CASZ1: variants seen among roughly 807,000 people sequenced by gnomAD.
CASZ1 encodes the protein zinc finger protein castor homolog 1.
A neutral mutation model predicts 135.2 loss-of-function variants in CASZ1; 28 were observed. That is an observed-to-expected ratio of 0.21 (90% confidence interval 0.15 to 0.28). CASZ1 has a LOEUF of 0.28. Among genes scored for constraint, CASZ1 ranks in the 10% least tolerant of loss-of-function variants. CASZ1 has a pLI of 1.00. For missense variants in CASZ1, 2,161 were observed against 2,453.3 expected, an observed-to-expected ratio of 0.88 and a Z score of 2.52; for synonymous variants, 1,068 against 1,073.4, an observed-to-expected ratio of 0.99 and a Z score of 0.10.
At chr1:10,691,078 C>CCCCT (rs3835307) in intron 4 of CASZ1, among the ~76,000 whole-genome samples, 9 of 139,586 alleles carry the variant, frequency 6.4e-5, no homozygotes, top group East Asian at 4.1e-4. Flanking sequence ...CTTCCTCTCT[C>CCCCT]CCCTCCCTCC....
chr1:10,677,501 G>C (rs924378751), intron 4 of CASZ1, among the ~76,000 whole-genome samples: 1 of 152,166 alleles, frequency 6.6e-6, no homozygotes, highest in African/African-American at 2.4e-5. Context: ...GCTCTGGCTG[G>C]ACACGGAGCT....
chr1:10,779,723 T>C (rs1006001257), intron 1 of CASZ1, among the ~76,000 whole-genome samples: 4 of 152,258 alleles, frequency 2.6e-5, no homozygotes, highest in Admixed American at 2.6e-4. Context: ...GCATTTGGTA[T>C]AGTTTTTCAC....
intron 2 of CASZ1, among the ~76,000 whole-genome samples, chr1:10,729,721 G>C (rs1162177770): frequency 1.3e-5 from 2 of 152,384 alleles, no homozygotes; most frequent in Middle Eastern, 6.8e-3. Context: ...CGGAACTGCC[G>C]GCGTCCCGGC....
intron 2 of CASZ1, among the ~76,000 whole-genome samples, chr1:10,732,363 CA>C (rs1052145165): frequency 1.3e-5 from 2 of 149,918 alleles, no homozygotes; most frequent in Non-Finnish European, 3.0e-5. Flanking sequence ...ATATTCCACA[CA>C]AACCAAAACT....
At chr1:10,683,524 C>G (rs750097701) in intron 4 of CASZ1, among the ~76,000 whole-genome samples, 4 of 152,178 alleles carry the variant, frequency 2.6e-5, no homozygotes, top group Non-Finnish European at 4.4e-5. Flanking sequence ...GGGGCAAGGT[C>G]CCCATCTTCC....
rs780280446 is a variant in CASZ1, at chr1:10,658,456, A to C, written c.1409+52T>G. 9 of 1,482,058 alleles carry C rather than the reference A, an allele frequency of 6.1e-6. 1 individual carries two copies. In the South Asian group the frequency reaches 1.0e-4, roughly 17 times the overall value. 91.8% of individuals were successfully genotyped at this position (1,482,058 alleles called of 1,614,324 possible). ...ACGAATGGCCTCAGAGTGCCCGGTC[A>C]GTCCTGGCCCCCCACCTTCTCTCCA... On this transcript the variant is annotated intron_variant, in intron 7 of 20. Coordinates refer to ENST00000377022, the MANE Select transcript of CASZ1 (RefSeq NM_001079843.3).
chr1:10,693,822 AG>A (rs1638842890), intron 4 of CASZ1, 51 bp downstream of exon 4: 2 of 1,577,636 alleles, frequency 1.3e-6, no homozygotes, highest in South Asian at 1.1e-5. Flanking sequence ...CTTCCGTAAA[AG>A]AAGCGAAAGA....
chr1:10,661,729 A>G (rs903025545), intron 5 of CASZ1, among the ~76,000 whole-genome samples: 2 of 151,396 alleles, frequency 1.3e-5, no homozygotes, highest in African/African-American at 4.9e-5. Context: ...GCACACACAC[A>G]CAAAACATAC....
intron 1 of CASZ1, among the ~76,000 whole-genome samples, chr1:10,769,009 C>T (rs905635804): frequency 4.6e-5 from 7 of 152,132 alleles, no homozygotes; most frequent in East Asian, 1.9e-4. Context: ...GGTGTGGTGG[C>T]GGCGTCTGTA....
chr1:10,694,376 T>C lies in CASZ1; in HGVS notation c.-23-464A>G. On this transcript the variant is annotated intron_variant, in intron 3 of 20. Coordinates refer to ENST00000377022, the MANE Select transcript of CASZ1 (RefSeq NM_001079843.3). This position sits in a 1 kb window ranked among gnomAD's most constrained non-coding sequence, Gnocchi z 6.6. ...TTAATTAATGCCTAATTGCAACTGA[T>C]TACTCCCCGAATAACAAGTTGTTTT... is the stretch of plus-strand genomic sequence containing the variant. 9.4e-7 allele frequency: 1 copy of C among 1,059,142 alleles called. No individual in the cohort carries two copies. 65.6% of individuals were successfully genotyped at this position (1,059,142 alleles called of 1,614,324 possible).
chr1:10,759,899 C>T lies in CASZ1; in HGVS notation c.-77+802G>A, dbSNP rs1640337357. Among the ~76,000 whole-genome samples the T allele has an allele frequency of 6.6e-6, 1 of 152,206 alleles. No homozygotes were observed. Among genetic ancestry groups the T allele is most frequent in the Non-Finnish European group, 1.5e-5 (1 of 68,028 alleles). ...CTTGCCCGTGAACTTCGCAAACACC[C>T]AATCCCTCTGGACTGGTTTCCTTGG... On this transcript the variant is annotated intron_variant, in intron 2 of 20. Coordinates refer to ENST00000377022, the MANE Select transcript of CASZ1 (RefSeq NM_001079843.3). This position sits in a 1 kb window ranked among gnomAD's most constrained non-coding sequence, Gnocchi z 4.2.
chr1:10,736,421 C>T (rs1639799484), intron 2 of CASZ1, among the ~76,000 whole-genome samples: 1 of 152,238 alleles, frequency 6.6e-6, no homozygotes, highest in African/African-American at 2.4e-5. Context: ...CCTCAGGCCC[C>T]TCCCTGGGAT....
Position 10,697,034 on chromosome 1 carries a change from C to CTT in CASZ1, c.-23-3123_-23-3122insAA, listed in dbSNP as rs1053430347. 6.6e-6 allele frequency among the ~76,000 whole-genome samples: 1 copy of CTT among 152,214 alleles called. No homozygotes were observed. The highest frequency in any genetic ancestry group is 2.4e-5 in the African/African-American group (1 of 41,452). On this transcript the variant is annotated intron_variant, in intron 3 of 20. Coordinates refer to ENST00000377022, the MANE Select transcript of CASZ1 (RefSeq NM_001079843.3). This position sits in a 1 kb window ranked among gnomAD's most constrained non-coding sequence, Gnocchi z 4.7. Reference sequence around the variant, plus strand: ...TGGGGATGCCTGGAAAGCCTCCACTCTGTCAAGTCCCTGGCCAGGTAGCCA... The same window carrying CTT: ...TGGGGATGCCTGGAAAGCCTCCACTCTTTGTCAAGTCCCTGGCCAGGTAGCCA...
chr1:10,796,123 C>CG (rs1281995526), intron 1 of CASZ1, among the ~76,000 whole-genome samples: 49 of 152,180 alleles, frequency 3.2e-4, no homozygotes, highest in Middle Eastern at 3.4e-3. Context: ...CCTGCCCCCC[C>CG]GGGAGCCCAC....
chr1:10,644,819 G>T, intron 18 of CASZ1, 98 bp downstream of exon 18: 2 of 1,281,182 alleles, frequency 1.6e-6, no homozygotes, highest in Non-Finnish European at 2.2e-6. Flanking sequence ...CTGCGGTGGG[G>T]AACAGGACGC....
At chr1:10,738,966 T>G (rs1273407964) in intron 2 of CASZ1, among the ~76,000 whole-genome samples, 1 of 145,498 alleles carries the variant, frequency 6.9e-6, no homozygotes. Flanking sequence ...AAAGTCACAT[T>G]CCGGCAGCAA....
At chr1:10,677,237 G>A (rs1638254558) in intron 4 of CASZ1, among the ~76,000 whole-genome samples, 1 of 152,168 alleles carries the variant, frequency 6.6e-6, no homozygotes, top group Admixed American at 6.5e-5. Context: ...CTCGCTGCTG[G>A]AGGAGGCAGA....
intron 1 of CASZ1, among the ~76,000 whole-genome samples, chr1:10,787,374 C>T (rs564896336): frequency 2.6e-5 from 4 of 152,234 alleles, no homozygotes; most frequent in Non-Finnish European, 5.9e-5. Flanking sequence ...CCCCCGATCC[C>T]CAGCCAGAGA....
intron 13 of CASZ1, chr1:10,650,423 G>T: frequency 3.0e-6 from 1 of 329,506 alleles, no homozygotes; most frequent in Non-Finnish European, 5.4e-6. Flanking sequence ...GAAGTTGAAG[G>T]GCTCTGGAAA....
Sources: gnomAD v4.1 joint callset for allele counts (sites outside exome capture counted in the v4.1 genomes callset) on GRCh38, gnomAD v4.1.1 for gene constraint, Gnocchi (gnomAD v3.1) non-coding constraint, MANE v1.5 for transcripts, NCBI Gene and HGNC (gene_info 2026-07-23, HGNC 2026-07-21) for gene names.